Variants in TBC1D10B observed in about 807,000 individuals in gnomAD.
TBC1D10B encodes the protein Rab27A-GAPbeta.
In TBC1D10B, 25 loss-of-function variants were observed where a neutral mutation model predicts 78.4. That is an observed-to-expected ratio of 0.32 (90% confidence interval 0.23 to 0.45). The LOEUF is 0.45. TBC1D10B is among the 20% of genes least tolerant of loss of function. TBC1D10B has a pLI of 1.00. For missense variants in TBC1D10B, 996 were observed against 1,104.8 expected, an observed-to-expected ratio of 0.90 and a Z score of 1.40; for synonymous variants, 517 against 478.0, an observed-to-expected ratio of 1.08 and a Z score of -1.06.
Position 30,369,818 on chromosome 16 carries a change from T to A in TBC1D10B, c.366A>T (p.Thr122=). ...PEPAAVAGVE[T]SRALAAGADS... The stretch of plus-strand genomic sequence containing the variant: ...CTGCCCCTGCGGCCAGAGCCCTCGA[T>A]GTCTCAACTCCAGCCACTGCCGCGG... Residue 122 remains threonine (T), a synonymous_variant, in exon 1 of 9, where the codon ACA becomes ACT. Transcript: ENST00000409939. This position sits in a 1 kb window ranked among gnomAD's most constrained non-coding sequence, Gnocchi z 4.3. The A allele has an allele frequency of 7.0e-7, 1 of 1,420,082 alleles. No individual in the cohort carries two copies. The highest frequency in any genetic ancestry group is 1.5e-5 in the South Asian group (1 of 65,590). 88.0% of individuals were successfully genotyped at this position (1,420,082 alleles called of 1,614,324 possible).
At chr16:30,358,986 G>A in intron 7 of TBC1D10B, 169 bp from the exon 8 acceptor site, 2 of 1,210,854 alleles carry the variant, frequency 1.7e-6, no homozygotes, top group Admixed American at 2.8e-5. Flanking sequence ...ATCTTGGCAG[G>A]GAGAGCAGGC....
rs1332767254 is a variant in TBC1D10B at position 30,358,753 on chromosome 16, C to T, written c.1707G>A (p.Lys569=). The T allele has an allele frequency of 6.2e-7, 1 of 1,609,432 alleles. No individual in the cohort carries two copies. The highest frequency in any genetic ancestry group is 8.5e-7 in the Non-Finnish European group (1 of 1,177,980). ...LLRHTLGSVE[K]LRSCQGMYET... is the part of the protein sequence containing the mutation. ...CATACATGCCTTGGCAGGAGCGCAG[C>T]TTCTCCACTGAGCCCAGCGTGTGGC... is the stretch of plus-strand genomic sequence containing the variant. The change falls in exon 8 of 9, where the codon AAG becomes AAA. Residue 569 remains lysine, a synonymous_variant. Coordinates refer to ENST00000409939, the MANE Select transcript of TBC1D10B (RefSeq NM_015527.4).
chr16:30,359,712 G>A lies in TBC1D10B; in HGVS notation c.1386+15C>T, dbSNP rs767545723. ...ATCCCCCCTGCCCCTCCCGGCCCAG[G>A]ACCAGGGCGCTGACCTCCGCAGGCA... is the stretch of plus-strand genomic sequence containing the variant. On this transcript the variant is annotated intron_variant, in intron 5 of 8. Transcript: ENST00000409939. 83 of 1,564,648 alleles carry A rather than the reference G, an allele frequency of 5.3e-5. No individual in the cohort carries two copies. The highest frequency in any genetic ancestry group is 1.3e-4 in the Admixed American group (7 of 52,410).
In TBC1D10B at chr16:30,358,519, G is replaced by A; in HGVS notation, c.1852C>T (p.Leu618Phe). ...CCCCGCGTTTCCCGCCACTTCTTGA[G>A]CTGGGCTGCATTCTCCCGCTCAATC... ...ALIERENAAQ[L>F]KKWRETRGEL... The change falls in exon 9 of 9, where the codon CTC (leucine) becomes TTC (phenylalanine). Residue 618 changes from leucine to phenylalanine, a missense_variant. This residue lies in a region of TBC1D10B where 168 missense variants were observed against 238.7 expected (regional missense o/e 0.70). Transcript: ENST00000409939. 1 of 1,611,244 alleles carries A rather than the reference G, an allele frequency of 6.2e-7. No individual in the cohort carries two copies. Among genetic ancestry groups the A allele is most frequent in the African/African-American group, 1.3e-5 (1 of 75,028 alleles).
Position 30,359,304 on chromosome 16 carries a change from G to A in TBC1D10B, c.1510C>T (p.Leu504=). The part of the protein sequence containing the change: ...FFALLRRASP[L]AHRHLRRQRI... ...TGCCGCCGCAGGTGGCGATGCGCCA[G>A]CGGGGAGGCCCGGCGCAGGAGTGCA... The change falls in exon 7 of 9, where the codon CTG becomes TTG. Residue 504 remains leucine, a synonymous_variant. Transcript: ENST00000409939. The A allele has an allele frequency of 6.2e-7, 1 of 1,603,378 alleles. No individual in the cohort carries two copies. Among genetic ancestry groups the A allele is most frequent in the Admixed American group, 1.7e-5 (1 of 58,062 alleles).
intron 1 of TBC1D10B, among the ~76,000 whole-genome samples, chr16:30,368,884 A>G (rs1468932646): frequency 5.9e-5 from 9 of 152,132 alleles, no homozygotes. Context: ...GGAGTTCCCC[A>G]TCAAAGAGCA....
At position 30,358,981 on chromosome 16, in the gene TBC1D10B, G is replaced by T. The variant is rs1202803851; in HGVS notation, c.1643-164C>A. 5.8e-6 allele frequency: 7 copies of T among 1,215,836 alleles called. No homozygotes were observed. The African/African-American group carries it at 9.2e-5, about 16-fold the overall frequency. The allele number at this position is 1,215,836 out of a possible 1,614,324, so 75.3% of individuals were successfully genotyped here. On this transcript the variant is annotated intron_variant, in intron 7 of 8. Transcript: ENST00000409939. ...GAGCTGCTATCAGTCTCAGGATCTT[G>T]GCAGGGAGAGCAGGCTCTGGGTTGG... is the stretch of plus-strand genomic sequence containing the variant.
rs8049108 is a variant in TBC1D10B at position 30,365,165 on chromosome 16, T to C, written c.1104A>G (p.Lys368=). The stretch of plus-strand genomic sequence containing the variant: ...TGCTATTAGACAGGTACTGCCAGGC[T>C]TTGGCTCTGAGAGAGGAGGGGATCC... ...RKGIPSSLRA[K]AWQYLSNSKE... The change falls in exon 3 of 9, where the codon AAA becomes AAG. Residue 368 remains lysine, a synonymous_variant. Coordinates refer to ENST00000409939, the MANE Select transcript of TBC1D10B (RefSeq NM_015527.4). The surrounding 1 kb of genome is among the most constrained non-coding windows in gnomAD (Gnocchi z 5.0). 0.36 allele frequency: 577,827 copies of C among 1,613,582 alleles called. 108,437 individuals are homozygous for C. Among genetic ancestry groups the C allele is most frequent in the African/African-American group, 0.59 (44,333 of 74,934 alleles).
chr16:30,363,009 C>A (rs2049608834), intron 4 of TBC1D10B, among the ~76,000 whole-genome samples: 1 of 152,196 alleles, frequency 6.6e-6, no homozygotes, highest in Admixed American at 6.5e-5. Flanking sequence ...TGCATTCCAG[C>A]CTGGGCGACA....
chr16:30,367,478 C>A (rs2049645681), intron 1 of TBC1D10B: 1 of 152,208 alleles, frequency 6.6e-6, no homozygotes, highest in African/African-American at 2.4e-5. Context: ...TGTAATACAG[C>A]ATGGGAAATG....
chr16:30,359,789 C>G lies in TBC1D10B; in HGVS notation c.1324G>C (p.Glu442Gln), dbSNP rs923519182. 11 of 1,585,250 alleles carry G rather than the reference C, an allele frequency of 6.9e-6. No homozygotes were observed. Among genetic ancestry groups the G allele is most frequent in the Non-Finnish European group, 9.4e-6 (11 of 1,165,556 alleles). The change falls in exon 5 of 9, where the codon GAG becomes CAG. Residue 442 changes from glutamate (E) to glutamine (Q), a missense_variant. Physicochemically the swap from Glu to Gln is conservative, Grantham distance 29. Around this residue, in one of 5 missense-constraint regions of TBC1D10B, gnomAD observed 93 missense variants for 152.7 expected, o/e 0.61. Coordinates refer to ENST00000409939, the MANE Select transcript of TBC1D10B (RefSeq NM_015527.4). The stretch of plus-strand genomic sequence containing the variant: ...GGGGCCTGGGCCTGGCAGTAACCCT[C>G]GTCAGGCCGGTAGATGGTGTAGGCC... Reference protein sequence around the residue: ...LKAYTIYRPDEGYCQAQAPVA... With the variant: ...LKAYTIYRPDQGYCQAQAPVA...
At chr16:30,368,634 C>G (rs1596990422) in intron 1 of TBC1D10B, among the ~76,000 whole-genome samples, 3 of 152,194 alleles carry the variant, frequency 2.0e-5, no homozygotes, top group East Asian at 3.9e-4. Context: ...GGGGAAGAGG[C>G]CTCTCCCACC....
chr16:30,368,265 G>A (rs966814244), intron 1 of TBC1D10B, among the ~76,000 whole-genome samples: 3 of 152,134 alleles, frequency 2.0e-5, no homozygotes, highest in East Asian at 1.9e-4. Context: ...TACTCTCCAC[G>A]ATTCAGAGCA....
chr16:30,369,772 C>T lies in TBC1D10B; in HGVS notation c.412G>A (p.Ala138Thr). ...AGADSPKTEE[A>T]RPSPAPGPGT... Reference sequence around the variant, plus strand: ...GGTCCTGGGGCGGGTGAGGGTCGAGCCTCCTCTGTCTTCGGCGAGTCTGCC... The same window carrying T: ...GGTCCTGGGGCGGGTGAGGGTCGAGTCTCCTCTGTCTTCGGCGAGTCTGCC... The change falls in exon 1 of 9, where the codon GCT (alanine) becomes ACT (threonine). Residue 138 changes from alanine to threonine, a missense_variant. Ala to Thr is a moderately conservative substitution (Grantham distance 58). Coordinates refer to ENST00000409939, the MANE Select transcript of TBC1D10B (RefSeq NM_015527.4). The surrounding 1 kb of genome is among the most constrained non-coding windows in gnomAD (Gnocchi z 4.3). 6.9e-7 allele frequency: 1 copy of T among 1,445,390 alleles called. No individual in the cohort carries two copies. Among genetic ancestry groups the T allele is most frequent in the Non-Finnish European group, 9.1e-7 (1 of 1,096,618 alleles). The allele number at this position is 1,445,390 out of a possible 1,614,324, so 89.5% of individuals were successfully genotyped here.
chr16:30,369,214 C>A lies in TBC1D10B; in HGVS notation c.956+14G>T. ...TCCCCGAGGCGGTCCCGCTGGGTGCCCACTGGTACTCACAGGCTGCCCGAG... is the reference window on the plus strand; with the variant it reads ...TCCCCGAGGCGGTCCCGCTGGGTGCACACTGGTACTCACAGGCTGCCCGAG... On this transcript the variant is annotated intron_variant, in intron 1 of 8. Coordinates refer to ENST00000409939, the MANE Select transcript of TBC1D10B (RefSeq NM_015527.4). This position sits in a 1 kb window ranked among gnomAD's most constrained non-coding sequence, Gnocchi z 4.3. 6.4e-7 allele frequency: 1 copy of A among 1,560,678 alleles called. No individual in the cohort carries two copies. The highest frequency in any genetic ancestry group is 2.3e-5 in the East Asian group (1 of 43,274).
Position 30,369,091 on chromosome 16 carries a change from G to C in TBC1D10B, c.956+137C>G. ...ACCTCAGGATGCTCAAGACACGGCAGCTCGCGCTGATCACCCCGTGGATCC... is the reference window on the plus strand; with the variant it reads ...ACCTCAGGATGCTCAAGACACGGCACCTCGCGCTGATCACCCCGTGGATCC... On this transcript the variant is annotated intron_variant, in intron 1 of 8. Coordinates refer to ENST00000409939, the MANE Select transcript of TBC1D10B (RefSeq NM_015527.4). The surrounding 1 kb of genome is among the most constrained non-coding windows in gnomAD (Gnocchi z 4.3). 1.1e-6 allele frequency: 1 copy of C among 908,688 alleles called. No homozygotes were observed. Among genetic ancestry groups the C allele is most frequent in the Non-Finnish European group, 1.6e-6 (1 of 612,782 alleles). The allele number at this position is 908,688 out of a possible 1,614,324, so 56.3% of individuals were successfully genotyped here.
In TBC1D10B at chr16:30,358,308, G is replaced by C; in HGVS notation, c.2063C>G (p.Ala688Gly). The C allele has an allele frequency of 6.3e-7, 1 of 1,583,000 alleles. No homozygotes were observed. The highest frequency in any genetic ancestry group is 1.2e-5 in the South Asian group (1 of 86,374). Residue 688 changes from alanine (A) to glycine (G), a missense_variant, in exon 9 of 9, where the codon GCT (alanine) becomes GGT (glycine). This residue lies in a region of TBC1D10B where 285 missense variants were observed against 252.5 expected (regional missense o/e 1.13). Coordinates refer to ENST00000409939, the MANE Select transcript of TBC1D10B (RefSeq NM_015527.4). ...SPPPPVRRAS[A>G]GPAPGPVVTA... ...GACCACAGGCCCTGGGGCAGGCCCA[G>C]CACTGGCTCTGCGGACGGGGGGCGG...
chr16:30,369,704 C>T lies in TBC1D10B; in HGVS notation c.480G>A (p.Thr160=), dbSNP rs748846329. 40 of 1,509,092 alleles carry T rather than the reference C, an allele frequency of 2.7e-5. No individual in the cohort carries two copies. Among genetic ancestry groups the T allele is most frequent in the Non-Finnish European group, 3.5e-5 (39 of 1,126,994 alleles). The allele number at this position is 1,509,092 out of a possible 1,614,324, so 93.5% of individuals were successfully genotyped here. A position where few individuals can be genotyped will look rare whatever the true frequency, so the allele number is the denominator to read the frequency against. The change falls in exon 1 of 9, where the codon ACG becomes ACA. Residue 160 remains threonine (T), a synonymous_variant. Transcript: ENST00000409939. The surrounding 1 kb of genome is among the most constrained non-coding windows in gnomAD (Gnocchi z 4.3). Reference sequence around the variant, plus strand: ...GTTTGGCGGTCAGGGCACCAGGAGCCGTTCTGGAAGGGGTCCTGGTAGGGG... The same window carrying T: ...GTTTGGCGGTCAGGGCACCAGGAGCTGTTCTGGAAGGGGTCCTGGTAGGGG... ...TGTPTRTPSR[T]APGALTAKPP...
chr16:30,361,156 GCA>G (rs1316890352), intron 4 of TBC1D10B, among the ~76,000 whole-genome samples: 3 of 152,076 alleles, frequency 2.0e-5, no homozygotes, highest in Non-Finnish European at 4.4e-5. Context: ...GTGGTGGCGG[GCA>G]CCTGTGATCC....
Sources: gnomAD v4.1 joint callset for allele counts (sites outside exome capture counted in the v4.1 genomes callset) on GRCh38, gnomAD v4.1.1 for gene constraint, gnomAD v4.1.1 regional missense constraint, Gnocchi (gnomAD v3.1) non-coding constraint, MANE v1.5 for transcripts, NCBI Gene and HGNC (gene_info 2026-07-23, HGNC 2026-07-21) for gene names.